MKLN1: variants seen among roughly 807,000 people sequenced by gnomAD.
MKLN1 encodes the protein muskelin 1.
A neutral mutation model predicts 99.0 loss-of-function variants in MKLN1; 18 were observed. The ratio of observed to expected loss-of-function variants is 0.18; its 90% CI spans 0.13 to 0.27. MKLN1 has a LOEUF of 0.27. MKLN1 is among the 10% of genes least tolerant of loss of function. The probability of loss-of-function intolerance (pLI) is 1.00; values close to 1 mark genes in which losing one functional copy is unlikely to be tolerated. For synonymous variants in MKLN1, 288 were observed against 293.2 expected (o/e 0.98, Z 0.18); for missense variants, 621 against 875.9 (o/e 0.71, Z 3.67).
intron 3 of MKLN1, among the ~76,000 whole-genome samples, chr7:131,285,437 G>A (rs912773978): frequency 2.0e-5 from 3 of 152,164 alleles, no homozygotes; most frequent in South Asian, 2.1e-4. Context: ...CCAATTTTCC[G>A]AAATGAGGTA....
intron 2 of MKLN1, among the ~76,000 whole-genome samples, chr7:131,158,436 A>G (rs1270777370): frequency 1.3e-5 from 2 of 151,924 alleles, no homozygotes; most frequent in African/African-American, 4.8e-5. Context: ...TCCATCTCAA[A>G]CAAACAAACA....
At chr7:131,359,760 G>T (rs112763837) in intron 1 of MKLN1, among the ~76,000 whole-genome samples, 2 of 150,758 alleles carry the variant, frequency 1.3e-5, no homozygotes, top group African/African-American at 4.9e-5. Context: ...TTGAGACAGG[G>T]TTTCACTCTG....
intron 3 of MKLN1, among the ~76,000 whole-genome samples, chr7:131,313,279 T>C (rs1036473052): frequency 6.6e-6 from 1 of 152,208 alleles, no homozygotes; most frequent in African/African-American, 2.4e-5. Flanking sequence ...AGTGGTACCA[T>C]GTAGACAATA....
chr7:131,446,062 TTCTA>T (rs975792625), intron 12 of MKLN1, among the ~76,000 whole-genome samples, 159 bp downstream of exon 12: 6 of 152,158 alleles, frequency 3.9e-5, no homozygotes, highest in African/African-American at 9.7e-5. Flanking sequence ...GCTTATTCAG[TTCTA>T]TCTATTTTTA....
chr7:131,199,571 G>A (rs1384935643), intron 2 of MKLN1, among the ~76,000 whole-genome samples: 1 of 152,172 alleles, frequency 6.6e-6, no homozygotes, highest in African/African-American at 2.4e-5. Context: ...AGAAGAAAGG[G>A]CATATATTTT....
intron 3 of MKLN1, among the ~76,000 whole-genome samples, chr7:131,211,668 C>T (rs1174543431): frequency 2.0e-5 from 3 of 151,948 alleles, no homozygotes; most frequent in Non-Finnish European, 4.4e-5. Context: ...CACTATGTTC[C>T]CAAACATTAT....
At chr7:131,410,572 T>C (rs1049539641) in intron 6 of MKLN1, among the ~76,000 whole-genome samples, 2 of 152,154 alleles carry the variant, frequency 1.3e-5, no homozygotes, top group South Asian at 4.1e-4. Flanking sequence ...ACCAAAATTA[T>C]TGGAGCTCTA....
At chr7:131,227,887 A>C (rs925913043) in intron 3 of MKLN1, among the ~76,000 whole-genome samples, 22 of 151,854 alleles carry the variant, frequency 1.4e-4, no homozygotes, top group African/African-American at 5.3e-4. Context: ...TTCATTGTTT[A>C]TTATGCATCC....
chr7:131,458,319 C>T (rs1796409828), intron 12 of MKLN1, among the ~76,000 whole-genome samples: 1 of 152,146 alleles, frequency 6.6e-6, no homozygotes, highest in South Asian at 2.1e-4. Flanking sequence ...CGTATAGATA[C>T]CCACAGTAGA....
intron 3 of MKLN1, among the ~76,000 whole-genome samples, chr7:131,227,495 C>CCCTTTCTTTCTT (rs1797170621): frequency 1.7e-5 from 2 of 115,710 alleles, no homozygotes; most frequent in African/African-American, 6.8e-5. Flanking sequence ...CTCTTTCTTT[C>CCCTTTCTTTCTT]TCTTTCTTTC....
chr7:131,463,194 T>C (rs371874151), intron 12 of MKLN1, 23 bp from the exon 13 acceptor site: 4 of 1,566,494 alleles, frequency 2.6e-6, no homozygotes, highest in African/African-American at 2.7e-5. Context: ...TATTTTCATC[T>C]TATTTTTTTC....
chr7:131,267,455 C>T (rs527496594), intron 3 of MKLN1, among the ~76,000 whole-genome samples: 47 of 152,296 alleles, frequency 3.1e-4, no homozygotes, highest in Admixed American at 2.3e-3. Context: ...GTAAACACCC[C>T]CAGGATAGGA....
chr7:131,353,337 T>C (rs1185884063), intron 1 of MKLN1, among the ~76,000 whole-genome samples: 1 of 152,154 alleles, frequency 6.6e-6, no homozygotes, highest in Non-Finnish European at 1.5e-5. Context: ...TTTTTTTTAT[T>C]CCTCTAATGG....
intron 1 of MKLN1, among the ~76,000 whole-genome samples, chr7:131,138,155 C>G (rs1584785148): frequency 6.6e-6 from 1 of 150,416 alleles, no homozygotes; most frequent in East Asian, 2.0e-4. Flanking sequence ...AAACTCCAAA[C>G]CTCGGGTGAT....
chr7:131,338,877 C>T (rs976261965), intron 1 of MKLN1, among the ~76,000 whole-genome samples: 2 of 152,220 alleles, frequency 1.3e-5, no homozygotes, highest in Non-Finnish European at 1.5e-5. Flanking sequence ...CTTCTGCCAC[C>T]TTGAGACAGA....
intron 8 of MKLN1, among the ~76,000 whole-genome samples, chr7:131,428,233 T>A (rs1216830576): frequency 6.6e-6 from 1 of 152,098 alleles, no homozygotes; most frequent in Admixed American, 6.5e-5. Context: ...TATGTAAAGA[T>A]TCATTATTCA....
upstream of MKLN1, among the ~76,000 whole-genome samples, chr7:131,326,248 C>T (rs1278509809): frequency 1.3e-5 from 2 of 152,190 alleles, no homozygotes. Flanking sequence ...TGGCAGCTCC[C>T]GACCCAAGTC....
chr7:131,420,088 T>C (rs1563339331), intron 8 of MKLN1, among the ~76,000 whole-genome samples: 1 of 152,132 alleles, frequency 6.6e-6, no homozygotes, highest in African/African-American at 2.4e-5. Flanking sequence ...ATATAAATGC[T>C]AAATGACGAG....
chr7:131,281,246 A>AT (rs1174839306), intron 3 of MKLN1, among the ~76,000 whole-genome samples: 2 of 149,662 alleles, frequency 1.3e-5, no homozygotes, highest in Admixed American at 6.7e-5. Flanking sequence ...GTTCAACTTC[A>AT]TTTTTTTACA....
Sources: allele counts gnomAD v4.1 joint callset (sites outside exome capture counted in the v4.1 genomes callset), GRCh38; gene constraint gnomAD v4.1.1; transcripts MANE v1.5; gene names NCBI Gene and HGNC (gene_info 2026-07-23, HGNC 2026-07-21).